The following ATAD2B variants were observed in gnomAD, a reference collection of about 807,000 sequenced individuals.
ATAD2B encodes ATPase family AAA domain-containing protein 2B.
Under a neutral mutation model 167.6 loss-of-function variants are expected in ATAD2B, and 40 were observed. The observed-to-expected ratio is 0.24, with a 90% CI of 0.19 to 0.31. The LOEUF is 0.31. ATAD2B is among the 10% of genes least tolerant of loss of function. The probability of loss-of-function intolerance (pLI) is 1.00; values close to 1 mark genes in which losing one functional copy is unlikely to be tolerated. For missense variants in ATAD2B, 1,242 were observed against 1,757.2 expected (o/e 0.71, Z 5.24); for synonymous variants, 579 against 596.5 (o/e 0.97, Z 0.43).
chr2:23,875,351 T>C (rs1696667333), intron 8 of ATAD2B, among the ~76,000 whole-genome samples: 1 of 151,034 alleles, frequency 6.6e-6, no homozygotes, highest in Admixed American at 6.6e-5. Context: ...AATATGAAAA[T>C]TAGCTGGGCA....
intron 13 of ATAD2B, among the ~76,000 whole-genome samples, chr2:23,841,130 G>A (rs575693912): frequency 1.9e-3 from 274 of 145,806 alleles, no homozygotes; most frequent in Non-Finnish European, 3.1e-3. Context: ...GTACAGATGG[G>A]TTCTCATTAT....
chr2:23,686,976 G>A, the ATAD2B span, among the ~76,000 whole-genome samples: 7 of 152,178 alleles, frequency 4.6e-5, no homozygotes. Context: ...TTCCTTTCCT[G>A]CCGTGTAAAA....
intron 2 of ATAD2B, 116 bp from the exon 3 acceptor site, chr2:23,888,515 CT>C (rs1320329412): frequency 4.7e-6 from 3 of 633,462 alleles, no homozygotes; most frequent in African/African-American, 1.9e-5. Flanking sequence ...GTAAAGATAA[CT>C]TTTTTTACTG....
At chr2:23,875,988 CA>C in intron 7 of ATAD2B, 84 bp from the exon 8 acceptor site, 2 of 1,054,488 alleles carry the variant, frequency 1.9e-6, no homozygotes, top group Non-Finnish European at 2.8e-6. Context: ...GACTTCTGCT[CA>C]CTTTTTTGTT....
At chr2:23,827,521 G>T (rs1357879156) in intron 15 of ATAD2B, among the ~76,000 whole-genome samples, 1 of 152,144 alleles carries the variant, frequency 6.6e-6, no homozygotes, top group Non-Finnish European at 1.5e-5. Flanking sequence ...GCTTATTTCA[G>T]TTAAGGATCA....
the ATAD2B span, among the ~76,000 whole-genome samples, chr2:23,732,447 T>C: frequency 6.6e-6 from 1 of 152,294 alleles, no homozygotes; most frequent in South Asian, 2.1e-4. Flanking sequence ...AGATTTCAAT[T>C]GGAGTAGAGC....
chr2:23,781,870 TG>T, intron 22 of ATAD2B, among the ~76,000 whole-genome samples: 1 of 151,998 alleles, frequency 6.6e-6, no homozygotes, highest in Non-Finnish European at 1.5e-5. Flanking sequence ...TGGAGTACAG[TG>T]GCATGATCAC....
chr2:23,701,979 ATTT>A, the ATAD2B span, among the ~76,000 whole-genome samples: 84 of 144,578 alleles, frequency 5.8e-4, no homozygotes, highest in Admixed American at 6.1e-4. Flanking sequence ...TGCCCAGCTA[ATTT>A]TTTTTTTTTT....
At chr2:23,709,627 G>C in the ATAD2B span, among the ~76,000 whole-genome samples, 1 of 150,852 alleles carries the variant, frequency 6.6e-6, no homozygotes, top group East Asian at 1.9e-4. Flanking sequence ...CCAAGACTAA[G>C]GGTCTCCTTG....
rs1695392657 is a variant in ATAD2B at position 23,867,963 on chromosome 2, T to C, written c.1077-17A>G. On this transcript the variant is annotated splice_polypyrimidine_tract_variant and intron_variant, in intron 9 of 27. Transcript: ENST00000238789. ...GGCAAACATCTGAAATTTATAAAAGTGCAAGTAAAGTTGCATTAAAAGTTT... is the reference window on the plus strand; with the variant it reads ...GGCAAACATCTGAAATTTATAAAAGCGCAAGTAAAGTTGCATTAAAAGTTT... 1.9e-6 allele frequency: 3 copies of C among 1,542,930 alleles called. No homozygotes were observed. The highest frequency in any genetic ancestry group is 2.7e-6 in the Non-Finnish European group (3 of 1,123,896).
chr2:23,766,163 G>A (rs1162792141), intron 22 of ATAD2B, among the ~76,000 whole-genome samples: 4 of 152,260 alleles, frequency 2.6e-5, no homozygotes, highest in South Asian at 4.2e-4. Flanking sequence ...ACAAGATGGT[G>A]TATACATTGT....
intron 1 of ATAD2B, among the ~76,000 whole-genome samples, chr2:23,924,113 G>A (rs1276773022): frequency 1.3e-5 from 2 of 151,936 alleles, no homozygotes; most frequent in Admixed American, 1.3e-4. Context: ...AACCCCGGGG[G>A]GCGGAGCCTG....
intron 20 of ATAD2B, among the ~76,000 whole-genome samples, chr2:23,788,031 C>T (rs180733016): frequency 5.3e-5 from 8 of 152,096 alleles, no homozygotes; most frequent in East Asian, 1.9e-4. Flanking sequence ...TAGAATACAA[C>T]GTTAAATGTA....
At chr2:23,813,919 A>T (rs527844929) in intron 17 of ATAD2B, among the ~76,000 whole-genome samples, 1 of 152,300 alleles carries the variant, frequency 6.6e-6, no homozygotes, top group Non-Finnish European at 1.5e-5. Context: ...CCCAAAAATT[A>T]TAATCTGAAC....
At chr2:23,874,853 G>A (rs975236453) in intron 8 of ATAD2B, among the ~76,000 whole-genome samples, 6 of 151,900 alleles carry the variant, frequency 3.9e-5, no homozygotes, top group African/African-American at 1.2e-4. Flanking sequence ...TCAGGAGATC[G>A]AGACCATCCT....
At chr2:23,780,628 G>A (rs1229295111) in intron 22 of ATAD2B, among the ~76,000 whole-genome samples, 2 of 151,974 alleles carry the variant, frequency 1.3e-5, no homozygotes, top group African/African-American at 2.4e-5. Flanking sequence ...GGCCAGGCGC[G>A]GTGGCTCACA....
At chr2:23,703,092 C>T in the ATAD2B span, 19 of 895,486 alleles carry the variant, frequency 2.1e-5, no homozygotes, top group African/African-American at 1.1e-4. Context: ...ATGCTGAGGG[C>T]GAGGAGCAGA....
chr2:23,805,036 G>A (rs768587707), intron 18 of ATAD2B, among the ~76,000 whole-genome samples: 3 of 151,574 alleles, frequency 2.0e-5, no homozygotes, highest in East Asian at 1.9e-4. Flanking sequence ...CCACCTACTC[G>A]GGAGGCTTAG....
intron 7 of ATAD2B, among the ~76,000 whole-genome samples, chr2:23,876,406 A>G (rs1159609493): frequency 6.6e-6 from 1 of 151,378 alleles, no homozygotes; most frequent in Non-Finnish European, 1.5e-5. Context: ...GATTCAAGCA[A>G]TTCTCCTGCC....
Sources: allele counts gnomAD v4.1 joint callset (sites outside exome capture counted in the v4.1 genomes callset), GRCh38; gene constraint gnomAD v4.1.1; transcripts MANE v1.5; gene names NCBI Gene and HGNC (gene_info 2026-07-23, HGNC 2026-07-21).